The following LTBP1 variants were observed in gnomAD, a reference collection of about 807,000 sequenced individuals.
LTBP1 encodes latent transforming growth factor beta binding protein 1.
LTBP1 carries 129 observed loss-of-function variants against 207.6 expected under a neutral mutation model. The observed-to-expected ratio is 0.62, with a 90% CI of 0.54 to 0.72. The LOEUF is 0.72. Among genes scored for constraint, LTBP1 ranks in the 30% least tolerant of loss-of-function variants. LTBP1 has a pLI of 0.00. For synonymous variants in LTBP1, 963 were observed against 833.7 expected (o/e 1.16, Z -2.67); for missense variants, 2,281 against 2,217.2 (o/e 1.03, Z -0.58).
chr2:33,328,861 G>C (rs1314917726), intron 24 of LTBP1, among the ~76,000 whole-genome samples: 1 of 152,106 alleles, frequency 6.6e-6, no homozygotes, highest in Non-Finnish European at 1.5e-5. Context: ...ATGTGTAGTA[G>C]TCCATTTATT....
In LTBP1 at chr2:33,318,796, A is replaced by C. The variant is rs527529399; in HGVS notation, c.3730+3527A>C. On this transcript the variant is annotated intron_variant, in intron 24 of 33. Coordinates refer to ENST00000404816, the MANE Select transcript of LTBP1 (RefSeq NM_206943.4). ...AACTCGTTGTTTTATGGTCCATTTG[A>C]TCATATCCATTTGTTTAGCAAAAAA... is the stretch of plus-strand genomic sequence containing the variant. 2.6e-5 allele frequency among the ~76,000 whole-genome samples: 4 copies of C among 152,290 alleles called. No individual in the cohort carries two copies. The East Asian group carries it at 7.7e-4, about 29-fold the overall frequency.
chr2:33,027,109 A>G (rs1573172580), intron 3 of LTBP1, among the ~76,000 whole-genome samples: 1 of 152,016 alleles, frequency 6.6e-6, no homozygotes, highest in Admixed American at 6.5e-5. Context: ...ATATTATACC[A>G]CCAATGCTTA....
chr2:33,168,656 G>C (rs2085147072), intron 5 of LTBP1, among the ~76,000 whole-genome samples: 1 of 151,784 alleles, frequency 6.6e-6, no homozygotes. Context: ...AAAGGTCACA[G>C]TCCACCTGGC....
intron 24 of LTBP1, among the ~76,000 whole-genome samples, chr2:33,341,049 A>G (rs911519913): frequency 6.6e-6 from 1 of 150,966 alleles, no homozygotes. Flanking sequence ...ATCTTCACAT[A>G]TATTTGGATG....
chr2:33,316,998 G>C (rs981552878), intron 24 of LTBP1, among the ~76,000 whole-genome samples: 1 of 152,130 alleles, frequency 6.6e-6, no homozygotes, highest in South Asian at 2.1e-4. Flanking sequence ...GACCTCAAGT[G>C]CTCCCTAGTC....
chr2:33,016,844 G>A (rs887524158), intron 2 of LTBP1, among the ~76,000 whole-genome samples: 2 of 152,130 alleles, frequency 1.3e-5, no homozygotes, highest in Non-Finnish European at 2.9e-5. Context: ...CCAACATGGC[G>A]AAACCCTATC....
intron 5 of LTBP1, among the ~76,000 whole-genome samples, chr2:33,155,297 C>A (rs1236590178): frequency 6.6e-6 from 1 of 152,088 alleles, no homozygotes; most frequent in Admixed American, 6.6e-5. Flanking sequence ...AACTCCCGAC[C>A]GACCTCATGA....
chr2:33,144,477 A>G (rs1409458096), intron 5 of LTBP1, among the ~76,000 whole-genome samples: 24 of 152,156 alleles, frequency 1.6e-4, no homozygotes, highest in Non-Finnish European at 1.5e-5. Context: ...GCAAGGGTAA[A>G]AGCATTTAAA....
intron 23 of LTBP1, 143 bp downstream of exon 23, chr2:33,309,699 G>A: frequency 2.1e-6 from 2 of 946,592 alleles, no homozygotes; most frequent in South Asian, 1.6e-5. Context: ...TAGCTGTCTT[G>A]GGTCCACATC....
At chr2:33,100,231 A>G (rs1262510442) in intron 3 of LTBP1, among the ~76,000 whole-genome samples, 1 of 152,216 alleles carries the variant, frequency 6.6e-6, no homozygotes, top group Non-Finnish European at 1.5e-5. Flanking sequence ...GGGAACAGCT[A>G]AGTGAAGAGT....
Position 33,397,149 on chromosome 2 carries a change from T to G in LTBP1, c.4851T>G (p.Phe1617Leu), listed in dbSNP as rs1213985946. The G allele has an allele frequency of 6.2e-7, 1 of 1,614,022 alleles. No individual in the cohort carries two copies. Among genetic ancestry groups the G allele is most frequent in the Admixed American group, 1.7e-5 (1 of 60,006 alleles). ...YFIQDRFLNS[F>L]EELQAEECGI... ...CCTTTCCAGGTTTTCTAAATAGCTTTGAGGAGTTACAGGCTGAGGAATGCG... is the reference window on the plus strand; with the variant it reads ...CCTTTCCAGGTTTTCTAAATAGCTTGGAGGAGTTACAGGCTGAGGAATGCG... Residue 1617 changes from phenylalanine to leucine, a missense_variant, in exon 33 of 34, where the codon TTT becomes TTG. Coordinates refer to ENST00000404816, the MANE Select transcript of LTBP1 (RefSeq NM_206943.4).
intron 9 of LTBP1, among the ~76,000 whole-genome samples, chr2:33,235,461 T>G (rs1040991381): frequency 2.0e-5 from 3 of 152,182 alleles, no homozygotes; most frequent in Admixed American, 6.5e-5. Context: ...GGTGGGAGTG[T>G]AAATTAGTTC....
chr2:33,194,417 G>A (rs2088300699), intron 7 of LTBP1, among the ~76,000 whole-genome samples: 1 of 152,232 alleles, frequency 6.6e-6, no homozygotes, highest in African/African-American at 2.4e-5. Flanking sequence ...AAAAGTTCTT[G>A]AAGGAAATTA....
chr2:33,172,347 T>C (rs952094713), intron 5 of LTBP1, among the ~76,000 whole-genome samples: 24 of 152,086 alleles, frequency 1.6e-4, no homozygotes, highest in Non-Finnish European at 3.2e-4. Context: ...AGGCAGGGGT[T>C]GCAATCCTAG....
rs376250317 is a variant in LTBP1, at chr2:33,058,243, G to T, written c.863+37037G>T. Among the ~76,000 whole-genome samples the T allele has an allele frequency of 3.9e-5, 6 of 152,228 alleles. No homozygotes were observed. The East Asian group carries it at 5.8e-4, about 15-fold the overall frequency. On this transcript the variant is annotated intron_variant, in intron 3 of 33. Coordinates refer to ENST00000404816, the MANE Select transcript of LTBP1 (RefSeq NM_206943.4). Reference sequence around the variant, plus strand: ...TAAAAGTAATAAACATTGAGTAATAGAATTATGTTAGCATTAAAATTCAAT... The same window carrying T: ...TAAAAGTAATAAACATTGAGTAATATAATTATGTTAGCATTAAAATTCAAT...
chr2:33,286,674 C>T (rs1053794065), intron 19 of LTBP1, among the ~76,000 whole-genome samples: 8 of 152,144 alleles, frequency 5.3e-5, no homozygotes, highest in Non-Finnish European at 8.8e-5. Flanking sequence ...TATAAAAACA[C>T]CCACCCAAAT....
chr2:33,062,194 C>T (rs1483316161), intron 3 of LTBP1, among the ~76,000 whole-genome samples: 1 of 148,318 alleles, frequency 6.7e-6, no homozygotes, highest in African/African-American at 2.5e-5. Context: ...TAGTATATAT[C>T]CTGGATATCA....
intron 31 of LTBP1, among the ~76,000 whole-genome samples, chr2:33,367,912 G>A (rs967589366): frequency 1.3e-5 from 2 of 152,172 alleles, no homozygotes; most frequent in African/African-American, 4.8e-5. Context: ...CCATGCAGCT[G>A]TTTAAAAATT....
At chr2:33,002,100 G>A (rs1179882753) in intron 2 of LTBP1, among the ~76,000 whole-genome samples, 1 of 134,002 alleles carries the variant, frequency 7.5e-6, no homozygotes, top group African/African-American at 2.6e-5. Flanking sequence ...TCCTGGACAT[G>A]TCCCCTCATT....
Sources: gnomAD v4.1 joint callset for allele counts (sites outside exome capture counted in the v4.1 genomes callset) on GRCh38, gnomAD v4.1.1 for gene constraint, MANE v1.5 for transcripts, NCBI Gene and HGNC (gene_info 2026-07-23, HGNC 2026-07-21) for gene names.